INPP4B: variants seen among roughly 807,000 people sequenced by gnomAD.
INPP4B encodes the protein inositol polyphosphate-4-phosphatase type II B, also known as inositol polyphosphate 4-phosphatase type II.
INPP4B carries 55 observed loss-of-function variants against 122.5 expected under a neutral mutation model. The ratio of observed to expected loss-of-function variants is 0.45; its 90% CI spans 0.36 to 0.56. INPP4B has a LOEUF of 0.56. Among genes scored for constraint, INPP4B ranks in the 20% least tolerant of loss-of-function variants. The probability of loss-of-function intolerance (pLI) is 0.00; values close to 1 mark genes in which losing one functional copy is unlikely to be tolerated. For missense variants in INPP4B, 1,000 were observed against 1,097.7 expected (o/e 0.91, Z 1.26); for synonymous variants, 403 against 388.7 (o/e 1.04, Z -0.43).
At chr4:142,563,842 T>A (rs1730990186) in intron 2 of INPP4B, among the ~76,000 whole-genome samples, 2 of 152,166 alleles carry the variant, frequency 1.3e-5, no homozygotes, top group African/African-American at 2.4e-5. Context: ...GGATGAGTCA[T>A]GGCACAGCTA....
chr4:142,604,950 A>T (rs1303604682), intron 2 of INPP4B, among the ~76,000 whole-genome samples: 1 of 152,110 alleles, frequency 6.6e-6, no homozygotes, highest in Non-Finnish European at 1.5e-5. Context: ...GAGGCATCAC[A>T]CTACCTAATT....
chr4:142,555,695 A>G (rs1227110305), intron 2 of INPP4B, among the ~76,000 whole-genome samples: 1 of 151,814 alleles, frequency 6.6e-6, no homozygotes, highest in African/African-American at 2.4e-5. Flanking sequence ...GGTGAAACCC[A>G]GTCTCTACTA....
intron 2 of INPP4B, among the ~76,000 whole-genome samples, chr4:142,559,041 G>A (rs1258005480): frequency 6.6e-6 from 1 of 152,076 alleles, no homozygotes; most frequent in East Asian, 1.9e-4. Flanking sequence ...GTGGAGAACT[G>A]TAGGTCAGGA....
At chr4:142,411,391 C>CT (rs1804559335) in intron 5 of INPP4B, among the ~76,000 whole-genome samples, 1 of 152,150 alleles carries the variant, frequency 6.6e-6, no homozygotes, top group South Asian at 2.1e-4. Context: ...AATAAAGCTT[C>CT]TTTTTCTTGC....
chr4:142,535,813 CTTCAG>C (rs1377839224), intron 2 of INPP4B, among the ~76,000 whole-genome samples: 1 of 152,044 alleles, frequency 6.6e-6, no homozygotes, highest in Non-Finnish European at 1.5e-5. Flanking sequence ...AATCTTCAGT[CTTCAG>C]TTATCAACTC....
rs1844775853 is a variant in INPP4B at position 142,211,303 on chromosome 4, T to G, written c.837-2277A>C. Among the ~76,000 whole-genome samples the G allele has an allele frequency of 3.9e-5, 6 of 152,298 alleles. No homozygotes were observed. In the South Asian group the frequency reaches 1.0e-3, roughly 26 times the overall value. On this transcript the variant is annotated intron_variant, in intron 12 of 25. Coordinates refer to ENST00000262992, the MANE Select transcript of INPP4B (RefSeq NM_001101669.3). ...TTAAAGTAAAGAAGAGGTACATTCA[T>G]ACATTAAAATAGATGAGGATAGAAG...
intron 3 of INPP4B, among the ~76,000 whole-genome samples, chr4:142,444,293 T>G (rs1299569260): frequency 6.6e-6 from 1 of 152,080 alleles, no homozygotes; most frequent in Admixed American, 6.6e-5. Context: ...TTGCAAAAAT[T>G]TTCTCCCATT....
At chr4:142,805,160 T>A (rs899866892) in intron 1 of INPP4B, among the ~76,000 whole-genome samples, 1 of 152,342 alleles carries the variant, frequency 6.6e-6, no homozygotes, top group Middle Eastern at 3.4e-3. Context: ...AAATACATAT[T>A]CTTTCAAAAT....
chr4:142,722,400 A>G (rs1278533849), intron 2 of INPP4B, among the ~76,000 whole-genome samples: 1 of 152,228 alleles, frequency 6.6e-6, no homozygotes, highest in African/African-American at 2.4e-5. Flanking sequence ...AGACATAAAT[A>G]AGGTAAGAAA....
chr4:142,584,576 T>A (rs1286676359), intron 2 of INPP4B, among the ~76,000 whole-genome samples: 1 of 152,118 alleles, frequency 6.6e-6, no homozygotes, highest in Non-Finnish European at 1.5e-5. Context: ...AAACCAGGAT[T>A]TGGGGAGGAA....
chr4:142,461,579 AG>A (rs1816747838), intron 3 of INPP4B, among the ~76,000 whole-genome samples: 1 of 152,192 alleles, frequency 6.6e-6, no homozygotes, highest in South Asian at 2.1e-4. Context: ...TGAAGCAATC[AG>A]ATTTTTTCTG....
intron 15 of INPP4B, among the ~76,000 whole-genome samples, chr4:142,182,225 T>C (rs982440890): frequency 3.9e-5 from 6 of 152,102 alleles, no homozygotes; most frequent in Non-Finnish European, 5.9e-5. Flanking sequence ...GAATTCATGG[T>C]CTCTGGGATC....
chr4:142,210,988 T>C (rs567140822), intron 12 of INPP4B, among the ~76,000 whole-genome samples: 1 of 152,264 alleles, frequency 6.6e-6, no homozygotes, highest in South Asian at 2.1e-4. Flanking sequence ...ATAACTTTTG[T>C]TTAAAATGTA....
chr4:142,049,488 G>C (rs911780115), intron 25 of INPP4B, among the ~76,000 whole-genome samples: 1 of 151,960 alleles, frequency 6.6e-6, no homozygotes, highest in Non-Finnish European at 1.5e-5. Flanking sequence ...GACTCAAGCT[G>C]AGAAATAGAA....
At chr4:142,466,941 C>T (rs1166098187) in intron 2 of INPP4B, among the ~76,000 whole-genome samples, 2 of 152,192 alleles carry the variant, frequency 1.3e-5, no homozygotes. Flanking sequence ...TTGGTTGCTT[C>T]TACATGGTGT....
At chr4:142,434,096 C>T (rs919822380) in intron 3 of INPP4B, among the ~76,000 whole-genome samples, 5 of 151,966 alleles carry the variant, frequency 3.3e-5, no homozygotes, top group African/African-American at 7.3e-5. Flanking sequence ...CTATAGAGAC[C>T]GAGACGTGAT....
chr4:142,457,891 T>C (rs570349671), intron 3 of INPP4B, among the ~76,000 whole-genome samples: 1 of 152,292 alleles, frequency 6.6e-6, no homozygotes, highest in African/African-American at 2.4e-5. Flanking sequence ...CTACCATACC[T>C]GCCCCTGTCT....
Position 142,314,763 on chromosome 4 carries a change from C to G in INPP4B, c.373-1G>C, listed in dbSNP as rs994535694. On this transcript the variant is annotated splice_acceptor_variant, in intron 7 of 25. Transcript: ENST00000262992. LOFTEE classifies it high-confidence loss of function. ...GTTCTGGTAGGACACTGGTTCGAAC[C>G]TGTGGAGAAAAACATTTTCTGTAAG... The G allele has an allele frequency of 6.3e-7, 1 of 1,593,668 alleles. No homozygotes were observed. Among genetic ancestry groups the G allele is most frequent in the African/African-American group, 1.3e-5 (1 of 74,202 alleles).
chr4:142,644,837 A>G (rs1580604930), intron 2 of INPP4B, among the ~76,000 whole-genome samples: 1 of 145,990 alleles, frequency 6.8e-6, no homozygotes, highest in Non-Finnish European at 1.5e-5. Context: ...TGGGTGGTGG[A>G]AGAGCTTGCA....
Sources: gnomAD v4.1 joint callset for allele counts (sites outside exome capture counted in the v4.1 genomes callset) on GRCh38, gnomAD v4.1.1 for gene constraint, MANE v1.5 for transcripts, NCBI Gene and HGNC (gene_info 2026-07-23, HGNC 2026-07-21) for gene names.